MYO18B: variants seen among roughly 807,000 people sequenced by gnomAD.
MYO18B encodes the protein myosin XVIIIB, also known as unconventional myosin-XVIIIb.
In MYO18B, 204 loss-of-function variants were observed where a neutral mutation model predicts 273.0. The observed-to-expected ratio is 0.75, with a 90% CI of 0.67 to 0.84. The LOEUF (loss-of-function observed/expected upper bound fraction) is 0.84, where lower values mean the gene tolerates loss of function less well. Among genes scored for constraint, MYO18B ranks in the 40% least tolerant of loss-of-function variants. MYO18B has a pLI of 0.00. For synonymous variants in MYO18B, 1,330 were observed against 1,305.7 expected, an observed-to-expected ratio of 1.02 and a Z score of -0.40; for missense variants, 3,212 against 3,287.6, an observed-to-expected ratio of 0.98 and a Z score of 0.56.
chr22:25,869,811 CT>C (rs2090998533), intron 22 of MYO18B, among the ~76,000 whole-genome samples: 2 of 152,328 alleles, frequency 1.3e-5, no homozygotes, highest in South Asian at 4.1e-4. Flanking sequence ...ACACTAGTGT[CT>C]CCCCACTGGC....
At chr22:25,776,665 A>G (rs2086927437) in intron 7 of MYO18B, among the ~76,000 whole-genome samples, 1 of 152,260 alleles carries the variant, frequency 6.6e-6, no homozygotes, top group Admixed American at 6.5e-5. Context: ...CACTAGTTGA[A>G]GGACATTTGT....
chr22:25,962,546 C>G (rs917056943), intron 39 of MYO18B, among the ~76,000 whole-genome samples: 5 of 152,146 alleles, frequency 3.3e-5, no homozygotes, highest in Non-Finnish European at 7.4e-5. Context: ...TGTACCTAGC[C>G]CTGTGCCTGA....
intron 39 of MYO18B, among the ~76,000 whole-genome samples, chr22:25,956,561 C>T (rs2092854985): frequency 6.6e-6 from 1 of 152,196 alleles, no homozygotes; most frequent in Admixed American, 6.5e-5. Context: ...GGGAAGGTTT[C>T]TCCATCATTC....
intron 11 of MYO18B, among the ~76,000 whole-genome samples, chr22:25,796,222 A>G (rs1275161929): frequency 6.5e-5 from 1 of 15,344 alleles, no homozygotes; most frequent in East Asian, 6.9e-4. Context: ...AATTGGAATC[A>G]TAAATCTTAA....
intron 39 of MYO18B, among the ~76,000 whole-genome samples, chr22:25,987,224 CAACA>C: frequency 6.6e-6 from 1 of 152,250 alleles, no homozygotes; most frequent in South Asian, 2.1e-4. Flanking sequence ...AGAAAACAAA[CAACA>C]AACAACAGTT....
chr22:25,850,762 G>A (rs912918818), intron 20 of MYO18B, among the ~76,000 whole-genome samples: 5 of 152,112 alleles, frequency 3.3e-5, no homozygotes, highest in East Asian at 3.9e-4. Flanking sequence ...TGTAGACACC[G>A]TGCCCAGCCT....
chr22:25,858,732 G>A (rs2090645653), intron 21 of MYO18B, among the ~76,000 whole-genome samples: 1 of 152,224 alleles, frequency 6.6e-6, no homozygotes, highest in Non-Finnish European at 1.5e-5. Flanking sequence ...TTAAGGTGGA[G>A]AGATCTCAGG....
chr22:25,947,604 ACTCACCTCACACACCTATAGGCAAGCCC>A (rs2092729914), intron 35 of MYO18B, 80 bp from the exon 36 acceptor site: 1 of 706,924 alleles, frequency 1.4e-6, no homozygotes, highest in African/African-American at 1.8e-5. Context: ...ATTGATGGTC[ACTCACCTCACACACCTATAGGCAAGCCC>A]CTCTTTGCTC....
intron 21 of MYO18B, 22 bp downstream of exon 21, chr22:25,851,601 G>A (rs1337294873): frequency 2.0e-6 from 3 of 1,484,732 alleles, no homozygotes; most frequent in East Asian, 4.9e-5. Flanking sequence ...ACATGCGAGA[G>A]GGGTGAAGGC....
chr22:25,768,837 G>A lies in MYO18B; in HGVS notation c.921G>A (p.Lys307=), dbSNP rs1464737428. 1.2e-6 allele frequency: 2 copies of A among 1,612,184 alleles called. No homozygotes were observed. The highest frequency in any genetic ancestry group is 1.7e-6 in the Non-Finnish European group (2 of 1,179,150). ...NVSKDVGSEG[K]HVRPQIPGRK... Reference sequence around the variant, plus strand: ...CTAAGGACGTAGGGAGTGAAGGGAAGCACGTAAGGCCCCAAATCCCTGGGA... The same window carrying A: ...CTAAGGACGTAGGGAGTGAAGGGAAACACGTAAGGCCCCAAATCCCTGGGA... Residue 307 remains lysine, a synonymous_variant, in exon 4 of 44, where the codon AAG becomes AAA. Transcript: ENST00000335473.
the MYO18B span, among the ~76,000 whole-genome samples, chr22:26,054,398 C>T: frequency 6.6e-6 from 1 of 152,082 alleles, no homozygotes; most frequent in African/African-American, 2.4e-5. Context: ...GCAGCAGAGC[C>T]CCATGCCAGA....
chr22:25,847,312 GGGACATAGGGGCCCCAAA>G, intron 19 of MYO18B, 100 bp from the exon 20 acceptor site: 1 of 754,892 alleles, frequency 1.3e-6, no homozygotes, highest in Non-Finnish European at 2.2e-6. Flanking sequence ...TCCTTGGTGT[GGGACATAGGGGCCCCAAA>G]GATGCTCAGG....
intron 8 of MYO18B, 142 bp downstream of exon 8, chr22:25,777,923 C>A: frequency 1.4e-6 from 1 of 700,642 alleles, no homozygotes; most frequent in Non-Finnish European, 2.2e-6. Flanking sequence ...TGCTACTGGG[C>A]AGGGCTATCC....
Position 25,777,717 on chromosome 22 carries a change from C to G in MYO18B, c.2004C>G (p.Thr668=), listed in dbSNP as rs1480864999. The part of the protein sequence containing the change: ...ALGWSGAGKT[T]CCEQVLEHLV... ...GCTGGAGTGGCGCTGGGAAGACCAC[C>G]TGCTGTGAGCAGGTCCTGGAACACC... The change falls in exon 8 of 44, where the codon ACC becomes ACG. Residue 668 remains threonine (T), a synonymous_variant. Coordinates refer to ENST00000335473, the MANE Select transcript of MYO18B (RefSeq NM_032608.7). The G allele has an allele frequency of 6.2e-7, 1 of 1,611,842 alleles. No homozygotes were observed. The highest frequency in any genetic ancestry group is 1.7e-5 in the Admixed American group (1 of 59,758).
At chr22:25,833,307 G>A (rs58869406) in intron 16 of MYO18B, among the ~76,000 whole-genome samples, 10,947 of 152,168 alleles carry the variant, frequency 0.072, 902 homozygotes, top group African/African-American at 0.2. Flanking sequence ...GTGAGTTCAG[G>A]GCTCATGGCC....
intron 21 of MYO18B, 37 bp downstream of exon 21, chr22:25,851,616 G>A: frequency 7.2e-7 from 1 of 1,384,404 alleles, no homozygotes. Flanking sequence ...GAAGGCCCTA[G>A]ATATGGATAT....
chr22:26,045,367 G>T, the MYO18B span, among the ~76,000 whole-genome samples: 1 of 138,692 alleles, frequency 7.2e-6, no homozygotes, highest in African/African-American at 2.7e-5. Flanking sequence ...GTACAAGATG[G>T]TGAAAGACAA....
chr22:25,870,943 G>T lies in MYO18B; in HGVS notation c.3951+2558G>T, dbSNP rs16980918. On this transcript the variant is annotated intron_variant, in intron 22 of 43. Coordinates refer to ENST00000335473, the MANE Select transcript of MYO18B (RefSeq NM_032608.7). Reference sequence around the variant, plus strand: ...CAGTCATTACATGCAGTTTACAGTGGCAGGAGTAAGAAGTCTGTACACCTA... The same window carrying T: ...CAGTCATTACATGCAGTTTACAGTGTCAGGAGTAAGAAGTCTGTACACCTA... 9.7e-3 allele frequency among the ~76,000 whole-genome samples: 1,476 copies of T among 152,264 alleles called. 24 individuals are homozygous for T. The highest frequency in any genetic ancestry group is 0.034 in the African/African-American group (1,409 of 41,542).
At chr22:26,010,205 T>C (rs1934787245) in intron 42 of MYO18B, among the ~76,000 whole-genome samples, 1 of 152,124 alleles carries the variant, frequency 6.6e-6, no homozygotes, top group African/African-American at 2.4e-5. Flanking sequence ...CACCTTTAAG[T>C]CAAGCTACCA....
Sources: gnomAD v4.1 joint callset for allele counts (sites outside exome capture counted in the v4.1 genomes callset) on GRCh38, gnomAD v4.1.1 for gene constraint, MANE v1.5 for transcripts, NCBI Gene and HGNC (gene_info 2026-07-23, HGNC 2026-07-21) for gene names.